Variants in ZC3H18 observed in about 807,000 individuals in gnomAD.
ZC3H18 encodes zinc finger CCCH-type containing 18.
ZC3H18 carries 8 observed loss-of-function variants against 106.1 expected under a neutral mutation model. That is an observed-to-expected ratio of 0.08 (90% CI 0.04 to 0.14). The LOEUF (loss-of-function observed/expected upper bound fraction) is 0.14. ZC3H18 is among the 10% of genes least tolerant of loss of function. ZC3H18 has a pLI of 1.00. For missense variants in ZC3H18, 1,318 were observed against 1,278.4 expected (o/e 1.03, Z -0.47); for synonymous variants, 635 against 522.1 (o/e 1.22, Z -2.95).
At chr16:88,576,083 A>G (rs1228980935) in intron 1 of ZC3H18, among the ~76,000 whole-genome samples, 1 of 151,986 alleles carries the variant, frequency 6.6e-6, no homozygotes, top group East Asian at 1.9e-4. Context: ...TGTATTTTTC[A>G]TAGAGACGGG....
intron 6 of ZC3H18, among the ~76,000 whole-genome samples, chr16:88,604,888 A>G (rs1904935626): frequency 6.6e-6 from 1 of 152,110 alleles, no homozygotes; most frequent in Non-Finnish European, 1.5e-5. Flanking sequence ...TCAGGCTGTC[A>G]GGCCATGGCC....
intron 17 of ZC3H18, 110 bp downstream of exon 17, chr16:88,630,691 C>T (rs1052815319): frequency 9.5e-6 from 8 of 837,960 alleles, no homozygotes; most frequent in East Asian, 5.8e-5. Flanking sequence ...CTGGAGGCGT[C>T]ACTACAGCTC....
At position 88,572,137 on chromosome 16, in the gene ZC3H18, A is replaced by G. The variant is rs189548500; in HGVS notation, c.-15+1571A>G. Among the ~76,000 whole-genome samples, 34 of 152,318 alleles carry G rather than the reference A, an allele frequency of 2.2e-4. 1 individual carries two copies. Among genetic ancestry groups the G allele is most frequent in the African/African-American group, 7.7e-4 (32 of 41,564 alleles). On this transcript the variant is annotated intron_variant, in intron 1 of 17. Coordinates refer to ENST00000301011, the MANE Select transcript of ZC3H18 (RefSeq NM_144604.4). ...GCACTTTATCAAAGTGACTAGCTTGAGAGGAGGAAGATTTGCCACCACTAA... is the reference window on the plus strand; with the variant it reads ...GCACTTTATCAAAGTGACTAGCTTGGGAGGAGGAAGATTTGCCACCACTAA...
chr16:88,589,138 TAAC>T lies in ZC3H18; in HGVS notation c.688+2460_688+2462del, dbSNP rs544061339. ...ATTCTTCAGTTTATGATCTCTCCAA[TAAC>T]AACAAGTTATTTTAAAAACAAAATG... On this transcript the variant is annotated intron_variant, in intron 3 of 17. Coordinates refer to ENST00000301011, the MANE Select transcript of ZC3H18 (RefSeq NM_144604.4). Among the ~76,000 whole-genome samples the T allele has an allele frequency of 6.3e-4, 96 of 152,298 alleles. 1 individual carries two copies. Among genetic ancestry groups the T allele is most frequent in the Admixed American group, 2.9e-3 (44 of 15,286 alleles).
chr16:88,583,283 CCT>C (rs568836750), intron 2 of ZC3H18, among the ~76,000 whole-genome samples: 42 of 152,354 alleles, frequency 2.8e-4, no homozygotes, highest in East Asian at 1.5e-3. Flanking sequence ...GCGAAAATCC[CCT>C]GTGTCATTGC....
At chr16:88,604,678 T>C (rs1904923949) in intron 6 of ZC3H18, among the ~76,000 whole-genome samples, 1 of 151,938 alleles carries the variant, frequency 6.6e-6, no homozygotes. Context: ...AGAGCAAGAC[T>C]CCATCTCAAA....
intron 3 of ZC3H18, among the ~76,000 whole-genome samples, chr16:88,596,790 GAGGCAAAC>G (rs1370272195): frequency 6.6e-6 from 1 of 152,238 alleles, no homozygotes; most frequent in Non-Finnish European, 1.5e-5. Context: ...AGTATTTTCA[GAGGCAAAC>G]CATGAAGAGC....
chr16:88,630,169 T>C, intron 16 of ZC3H18: 1 of 319,206 alleles, frequency 3.1e-6, no homozygotes, highest in East Asian at 6.1e-5. Flanking sequence ...CATGTCTTTC[T>C]TGTTGTTCCG....
intron 8 of ZC3H18, among the ~76,000 whole-genome samples, chr16:88,620,606 G>A (rs978289787): frequency 7.3e-5 from 11 of 149,808 alleles, no homozygotes; most frequent in Non-Finnish European, 1.3e-4. Context: ...AAAAAGCCAC[G>A]TTCTGCTTAT....
At chr16:88,587,544 G>C in intron 3 of ZC3H18, 1 of 1,536,068 alleles carries the variant, frequency 6.5e-7, no homozygotes, top group South Asian at 1.2e-5. Flanking sequence ...TTTTCCAGAT[G>C]TTGTGACACC....
chr16:88,609,475 T>C (rs961337193), intron 7 of ZC3H18, among the ~76,000 whole-genome samples: 2 of 151,778 alleles, frequency 1.3e-5, no homozygotes, highest in Non-Finnish European at 2.9e-5. Flanking sequence ...TTTTTTTGTA[T>C]TTTTTTTGTA....
chr16:88,593,936 A>G (rs1255472812), intron 3 of ZC3H18, among the ~76,000 whole-genome samples: 2 of 152,214 alleles, frequency 1.3e-5, no homozygotes, highest in Non-Finnish European at 2.9e-5. Context: ...AGATAGACCA[A>G]TGGATTTCAG....
At chr16:88,617,985 T>G (rs1373753136) in intron 8 of ZC3H18, among the ~76,000 whole-genome samples, 1 of 152,246 alleles carries the variant, frequency 6.6e-6, no homozygotes. Context: ...TAAGAAACCC[T>G]ATTTTAGACC....
At chr16:88,598,041 A>G in intron 3 of ZC3H18, 137 bp from the exon 4 acceptor site, 1 of 620,204 alleles carries the variant, frequency 1.6e-6, no homozygotes, top group Non-Finnish European at 2.5e-6. Flanking sequence ...CTCCCCGTTC[A>G]GTTCCCACTA....
At chr16:88,571,193 C>CT (rs1914383851) in intron 1 of ZC3H18, among the ~76,000 whole-genome samples, 1 of 152,228 alleles carries the variant, frequency 6.6e-6, no homozygotes, top group African/African-American at 2.4e-5. Flanking sequence ...AGCCTTACTC[C>CT]TGCCAAACAT....
chr16:88,623,676 C>T (rs1906111310), intron 10 of ZC3H18: 1 of 566,666 alleles, frequency 1.8e-6, no homozygotes, highest in South Asian at 2.5e-5. Context: ...GCTGCTGCCC[C>T]ACTGCCAAGG....
intron 6 of ZC3H18, among the ~76,000 whole-genome samples, chr16:88,602,846 A>G (rs557588760): frequency 1.3e-5 from 2 of 152,198 alleles, no homozygotes; most frequent in Non-Finnish European, 2.9e-5. Flanking sequence ...AAGCACCTTC[A>G]TGCAGGCAGG....
intron 3 of ZC3H18, among the ~76,000 whole-genome samples, chr16:88,587,243 G>T (rs964273106): frequency 1.3e-5 from 2 of 152,180 alleles, no homozygotes; most frequent in African/African-American, 4.8e-5. Context: ...GAAAAGTCTG[G>T]GCTGACCCAT....
chr16:88,575,894 GTTTGTTTGTT>G (rs891881005), intron 1 of ZC3H18, among the ~76,000 whole-genome samples: 22 of 148,360 alleles, frequency 1.5e-4, no homozygotes, highest in African/African-American at 4.9e-4. Context: ...GTTTTTGTTT[GTTTGTTTGTT>G]TTTGTTTTTG....
Sources: gnomAD v4.1 joint callset for allele counts (sites outside exome capture counted in the v4.1 genomes callset) on GRCh38, gnomAD v4.1.1 for gene constraint, MANE v1.5 for transcripts, NCBI Gene and HGNC (gene_info 2026-07-23, HGNC 2026-07-21) for gene names.